Variants in ELP6 observed in about 807,000 individuals in gnomAD.
The protein encoded by ELP6 is elongator complex protein 6.
ELP6 carries 23 observed loss-of-function variants against 28.1 expected under a neutral mutation model. The ratio of observed to expected loss-of-function variants is 0.82; its 90% CI spans 0.59 to 1.16. The LOEUF is 1.16. ELP6 is among the 50% of genes most tolerant of loss of function. ELP6 has a pLI of 0.00. For synonymous variants in ELP6, 132 were observed against 135.8 expected (o/e 0.97, Z 0.19); for missense variants, 313 against 334.6 (o/e 0.94, Z 0.50).
At chr3:47,504,249 A>G in intron 4 of ELP6, 81 bp downstream of exon 4, 1 of 1,472,766 alleles carries the variant, frequency 6.8e-7, no homozygotes, top group East Asian at 2.4e-5. Context: ...CACAATAAGA[A>G]GGAATCACAC....
chr3:47,496,878 C>T (rs1189943734), intron 6 of ELP6: 18 of 985,318 alleles, frequency 1.8e-5, no homozygotes, highest in Non-Finnish European at 2.2e-5. Flanking sequence ...ACATTCACTA[C>T]AGAGGCCCAG....
At chr3:47,506,415 T>C (rs1011938396) in intron 3 of ELP6, among the ~76,000 whole-genome samples, 1 of 152,156 alleles carries the variant, frequency 6.6e-6, no homozygotes, top group East Asian at 1.9e-4. Flanking sequence ...GGGAGCGCTA[T>C]GGGAGACTGG....
At position 47,498,620 on chromosome 3, in the gene ELP6, C is replaced by T. The variant is rs140023578; in HGVS notation, c.526-188G>A. 2,024 of 985,374 alleles carry T rather than the reference C, an allele frequency of 2.1e-3. 9 individuals are homozygous for T. Among genetic ancestry groups the T allele is most frequent in the Non-Finnish European group, 1.9e-3 (1,605 of 829,930 alleles). The allele number at this position is 985,374 out of a possible 1,614,324, so 61.0% of individuals were successfully genotyped here. ...TCCAGTCACCTACTGGACAACTTCA[C>T]CCATATTTCACCCATAATGAGCCAA... On this transcript the variant is annotated intron_variant, in intron 5 of 6. Coordinates refer to ENST00000296149, the MANE Select transcript of ELP6 (RefSeq NM_001031703.3).
intron 4 of ELP6, chr3:47,502,287 G>A: frequency 9.2e-6 from 4 of 434,944 alleles, no homozygotes; most frequent in Non-Finnish European, 1.2e-5. Flanking sequence ...GCGCACACCT[G>A]TAATACCAGC....
rs748237499 is a variant in ELP6, at chr3:47,511,813, G to A, written c.55-587C>T. ...AGGGTGGTCTCTGCAGAGCCTGACT[G>A]TCCTGCTCCATTCACCTCTATTTCT... On this transcript the variant is annotated intron_variant, in intron 1 of 6. Transcript: ENST00000296149. 1,826 of 986,222 alleles carry A rather than the reference G, an allele frequency of 1.9e-3. 3 individuals carry two copies. The highest frequency in any genetic ancestry group is 2.1e-3 in the Non-Finnish European group (1,714 of 830,648). The allele number at this position is 986,222 out of a possible 1,614,324, so 61.1% of individuals were successfully genotyped here. A position where few individuals can be genotyped will look rare whatever the true frequency, so the allele number is the denominator to read the frequency against.
rs1305158806 is a variant in ELP6, at chr3:47,496,192, C to A, written c.678G>T (p.Arg226Ser). Residue 226 changes from arginine to serine, a missense_variant, in exon 7 of 7, where the codon AGG becomes AGT. By Grantham distance (110) the Arg-to-Ser change is moderately radical. Coordinates refer to ENST00000296149, the MANE Select transcript of ELP6 (RefSeq NM_001031703.3). ...GCTGCGATGGTCTCCTCCACAGGAT[C>A]CTCAGCTACAGAGACAGAGAAGAAT... ...GFCRDVHGQL[R>S]ILWRRPSQPA... 3 of 1,613,658 alleles carry A rather than the reference C, an allele frequency of 1.9e-6. No homozygotes were observed. The highest frequency in any genetic ancestry group is 2.5e-6 in the Non-Finnish European group (3 of 1,179,956).
intron 5 of ELP6, 177 bp from the exon 6 acceptor site, chr3:47,498,609 G>A (rs562590373): frequency 1.0e-6 from 1 of 985,292 alleles, no homozygotes; most frequent in East Asian, 1.1e-4. Context: ...GTCACCTACT[G>A]GACAACTTCA....
Position 47,501,802 on chromosome 3 carries a change from C to A in ELP6, c.373G>T (p.Ala125Ser). Residue 125 changes from alanine (A) to serine (S), a missense_variant, in exon 5 of 7, where the codon GCC (alanine) becomes TCC (serine). Physicochemically the swap from Ala to Ser is moderately conservative, Grantham distance 99. Coordinates refer to ENST00000296149, the MANE Select transcript of ELP6 (RefSeq NM_001031703.3). ...LKPLFEFVRE[A>S]LKPVDSGEAR... ...TCTCCACTGTCTACTGGCTTCAGGG[C>A]CTCCCGTACAAACTCAAACAATGGT... 1.2e-6 allele frequency: 2 copies of A among 1,614,006 alleles called. No individual in the cohort carries two copies. The highest frequency in any genetic ancestry group is 1.7e-6 in the Non-Finnish European group (2 of 1,180,020).
chr3:47,512,507 C>T (rs1431352299), intron 1 of ELP6: 1 of 694,388 alleles, frequency 1.4e-6, no homozygotes, highest in Non-Finnish European at 1.8e-6. Context: ...GCCGAGATCG[C>T]GCCAGTGCAC....
At chr3:47,497,223 CT>C in intron 6 of ELP6, 1 of 985,470 alleles carries the variant, frequency 1.0e-6, no homozygotes, top group Non-Finnish European at 1.2e-6. Context: ...TAGAATCCAG[CT>C]TCCCTCCCAG....
intron 4 of ELP6, chr3:47,503,362 A>C (rs1383270282): frequency 2.3e-6 from 3 of 1,289,702 alleles, no homozygotes; most frequent in Non-Finnish European, 3.0e-6. Context: ...TTTGTGGCCA[A>C]TGTTCAGAAA....
chr3:47,503,566 G>T, intron 4 of ELP6: 1 of 510,492 alleles, frequency 2.0e-6, no homozygotes, highest in Non-Finnish European at 3.0e-6. Flanking sequence ...AATGAACGTG[G>T]CTGTATTCCA....
rs2030008273 is a variant in ELP6 at position 47,513,677 on chromosome 3, C to T, written c.-87G>A. 1.9e-6 allele frequency: 3 copies of T among 1,551,508 alleles called. No individual in the cohort carries two copies. The highest frequency in any genetic ancestry group is 1.9e-5 in the Admixed American group (1 of 53,922). On this transcript the variant is annotated 5_prime_UTR_variant, in exon 1 of 7. Coordinates refer to ENST00000296149, the MANE Select transcript of ELP6 (RefSeq NM_001031703.3). ...CTGGAGAGCAAAACACACCCGACAG[C>T]CCGGCTCGCGCAAGGAAGCGCGCAT...
intron 1 of ELP6, chr3:47,512,753 G>T: frequency 1.0e-6 from 1 of 956,568 alleles, no homozygotes; most frequent in African/African-American, 1.8e-5. Context: ...TCACAAGGAG[G>T]AAGAGTAAGA....
intron 4 of ELP6, among the ~76,000 whole-genome samples, chr3:47,503,718 G>A (rs1373653681): frequency 2.6e-5 from 4 of 151,970 alleles, no homozygotes; most frequent in Admixed American, 6.6e-5. Flanking sequence ...GTGAAACCCC[G>A]TCTCTACTAA....
chr3:47,498,084 C>CA, intron 6 of ELP6: 1 of 1,390,362 alleles, frequency 7.2e-7, no homozygotes, highest in Non-Finnish European at 9.5e-7. Flanking sequence ...ATGGGACCCC[C>CA]ATGGAAAACG....
intron 3 of ELP6, among the ~76,000 whole-genome samples, chr3:47,508,420 T>C (rs1708910622): frequency 6.6e-6 from 1 of 151,952 alleles, no homozygotes; most frequent in African/African-American, 2.4e-5. Flanking sequence ...CTCTGAGAAA[T>C]AAATGAGTAG....
At chr3:47,510,318 ACCTCTGG>A in intron 2 of ELP6, 64 bp from the exon 3 acceptor site, 1 of 1,427,228 alleles carries the variant, frequency 7.0e-7, no homozygotes, top group South Asian at 1.2e-5. Flanking sequence ...CTGATTTCAT[ACCTCTGG>A]AAAAAAAAGC....
At chr3:47,512,573 G>A in intron 1 of ELP6, 1 of 974,330 alleles carries the variant, frequency 1.0e-6, no homozygotes, top group Non-Finnish European at 1.2e-6. Flanking sequence ...AAATAAATAA[G>A]CCAAAAGATA....
Sources: allele counts gnomAD v4.1 joint callset (sites outside exome capture counted in the v4.1 genomes callset), GRCh38; gene constraint gnomAD v4.1.1; transcripts MANE v1.5; gene names NCBI Gene and HGNC (gene_info 2026-07-23, HGNC 2026-07-21).